Variants in ADGRL2 observed in about 807,000 individuals in gnomAD.
ADGRL2 encodes calcium-independent alpha-latrotoxin receptor 2.
A neutral mutation model predicts 157.4 loss-of-function variants in ADGRL2; 44 were observed. The ratio of observed to expected loss-of-function variants is 0.28; its 90% CI spans 0.22 to 0.36. The LOEUF is 0.36. Ranked by LOEUF, ADGRL2 falls within the 10% of genes least tolerant of loss-of-function variation. The probability of loss-of-function intolerance (pLI) is 1.00; values close to 1 mark genes in which losing one functional copy is unlikely to be tolerated. For synonymous variants in ADGRL2, 585 were observed against 624.7 expected (o/e 0.94, Z 0.95); for missense variants, 1,510 against 1,768.9 (o/e 0.85, Z 2.63).
chr1:81,929,583 T>A (rs1423466233), intron 3 of ADGRL2, among the ~76,000 whole-genome samples: 1 of 152,172 alleles, frequency 6.6e-6, no homozygotes, highest in Non-Finnish European at 1.5e-5. Flanking sequence ...TAAAGTGTAA[T>A]AATGAGCATA....
chr1:81,826,471 G>A (rs979100002), intron 1 of ADGRL2, among the ~76,000 whole-genome samples: 2 of 152,156 alleles, frequency 1.3e-5, no homozygotes, highest in Non-Finnish European at 2.9e-5. Context: ...AGCCTGAATT[G>A]TGTGAAATTG....
At chr1:81,912,106 C>A (rs184291102) in intron 3 of ADGRL2, among the ~76,000 whole-genome samples, 2 of 151,616 alleles carry the variant, frequency 1.3e-5, no homozygotes, top group East Asian at 3.9e-4. Flanking sequence ...GGGTCTCACT[C>A]CCTTGCCCAC....
intron 3 of ADGRL2, among the ~76,000 whole-genome samples, chr1:81,624,649 A>T (rs1400831218): frequency 6.6e-6 from 1 of 152,192 alleles, no homozygotes; most frequent in Non-Finnish European, 1.5e-5. Context: ...TCAGAGATAG[A>T]GATGTCAATT....
chr1:81,346,159 G>A (rs1662464768), intron 1 of ADGRL2, among the ~76,000 whole-genome samples: 3 of 152,074 alleles, frequency 2.0e-5, no homozygotes, highest in African/African-American at 4.8e-5. Context: ...AGGTAAAAGG[G>A]GAAAGAGGTG....
At chr1:81,405,857 T>C (rs2076845159) in intron 1 of ADGRL2, among the ~76,000 whole-genome samples, 1 of 152,106 alleles carries the variant, frequency 6.6e-6, no homozygotes, top group African/African-American at 2.4e-5. Flanking sequence ...TATATATTCT[T>C]TAAAAGGAAT....
chr1:81,514,371 A>T (rs2079135451), intron 2 of ADGRL2, among the ~76,000 whole-genome samples: 1 of 152,192 alleles, frequency 6.6e-6, no homozygotes, highest in African/African-American at 2.4e-5. Context: ...CGAATGAATT[A>T]AAACAGTCCA....
intron 2 of ADGRL2, chr1:81,557,482 G>GAAAGAAAGAAAGAAGAAAGA (rs370696204): frequency 2.3e-4 from 28 of 119,964 alleles, no homozygotes; most frequent in Non-Finnish European, 2.9e-4. Context: ...AAGAAAGAAA[G>GAAAGAAAGAAAGAAGAAAGA]AAGAAAGAAA....
chr1:81,556,312 A>ATTTT lies in ADGRL2; in HGVS notation c.-247-24543_-247-24540dup, dbSNP rs145670261. ...ATCCCCCGATTCTCAGGCTGTCACAATTTTTTTTTTTTTTTTTTTTTTTTG... is the reference window on the plus strand; with the variant it reads ...ATCCCCCGATTCTCAGGCTGTCACAATTTTTTTTTTTTTTTTTTTTTTTTTTTTG... On this transcript the variant is annotated intron_variant, in intron 2 of 24. Transcript: ENST00000370721. 7.0e-3 allele frequency among the ~76,000 whole-genome samples: 610 copies of ATTTT among 87,114 alleles called. 40 individuals are homozygous for ATTTT. The highest frequency in any genetic ancestry group is 0.022 in the African/African-American group (468 of 21,220). 57.2% of individuals were successfully genotyped at this position (87,114 alleles called of 152,430 possible).
chr1:81,668,720 G>C (rs2082804995), intron 3 of ADGRL2, among the ~76,000 whole-genome samples: 1 of 141,420 alleles, frequency 7.1e-6, no homozygotes, highest in African/African-American at 2.8e-5. Context: ...GTGCCACCAG[G>C]CCCGGCTAAT....
chr1:81,603,807 T>C (rs78042927), intron 3 of ADGRL2, among the ~76,000 whole-genome samples: 5,506 of 152,314 alleles, frequency 0.036, 148 homozygotes, highest in Non-Finnish European at 0.052. Context: ...CTGTTCGTTG[T>C]CTTTTCTTAA....
intron 2 of ADGRL2, among the ~76,000 whole-genome samples, chr1:81,896,279 T>C (rs1025980423): frequency 9.0e-4 from 137 of 152,082 alleles, no homozygotes; most frequent in African/African-American, 3.2e-3. Flanking sequence ...TAGAAACTTA[T>C]TGATGTTAAA....
intron 2 of ADGRL2, among the ~76,000 whole-genome samples, chr1:81,487,108 A>AAAAAAG (rs537612028): frequency 3.0e-5 from 4 of 135,516 alleles, no homozygotes; most frequent in Non-Finnish European, 3.2e-5. Flanking sequence ...AAAAAAAAAA[A>AAAAAAG]AGAAAGTAAA....
In ADGRL2 at chr1:81,925,124, T is replaced by A. The variant is rs1572157673; in HGVS notation, c.288-11604T>A. ...AGGACATAAGGAAACACAGATCAAA[T>A]TTGAAATTCAATAGTTAATAGAAAA... On this transcript the variant is annotated intron_variant, in intron 3 of 23. Transcript: ENST00000686636. 2.0e-5 allele frequency among the ~76,000 whole-genome samples: 3 copies of A among 152,204 alleles called. No individual in the cohort carries two copies. In the East Asian group the frequency reaches 5.8e-4, roughly 29 times the overall value.
chr1:81,826,514 A>C (rs1278056631), intron 1 of ADGRL2, among the ~76,000 whole-genome samples: 1 of 152,234 alleles, frequency 6.6e-6, no homozygotes, highest in Non-Finnish European at 1.5e-5. Context: ...GACTGTAAAA[A>C]TGCTACTGAA....
intron 1 of ADGRL2, among the ~76,000 whole-genome samples, chr1:81,756,451 A>G (rs912139769): frequency 2.6e-5 from 4 of 152,150 alleles, no homozygotes; most frequent in African/African-American, 9.7e-5. Context: ...TCAATTCCCA[A>G]TGAGGGATAT....
intron 1 of ADGRL2, among the ~76,000 whole-genome samples, chr1:81,761,457 A>G (rs967783908): frequency 5.3e-5 from 8 of 151,996 alleles, no homozygotes; most frequent in African/African-American, 1.9e-4. Flanking sequence ...TTTTCCCTTA[A>G]AGAGTTTTAG....
At chr1:81,407,483 A>AT (rs1458767175) in intron 1 of ADGRL2, among the ~76,000 whole-genome samples, 13 of 152,228 alleles carry the variant, frequency 8.5e-5, no homozygotes, top group African/African-American at 2.9e-4. Context: ...CATCATTATC[A>AT]TTCAGATCAT....
At chr1:81,675,116 CAT>C (rs1474518687) in intron 3 of ADGRL2, among the ~76,000 whole-genome samples, 1 of 152,108 alleles carries the variant, frequency 6.6e-6, no homozygotes, top group African/African-American at 2.4e-5. Flanking sequence ...AACGAAATAA[CAT>C]AACTGAGAAG....
intron 11 of ADGRL2, among the ~76,000 whole-genome samples, chr1:81,960,467 CT>C (rs879604958): frequency 5.1e-4 from 76 of 149,056 alleles, no homozygotes; most frequent in Non-Finnish European, 7.6e-4. Flanking sequence ...TATTTATTGT[CT>C]TTTTTTTTTC....
Sources: gnomAD v4.1 joint callset for allele counts (sites outside exome capture counted in the v4.1 genomes callset) on GRCh38, gnomAD v4.1.1 for gene constraint, MANE v1.5 for transcripts, NCBI Gene and HGNC (gene_info 2026-07-23, HGNC 2026-07-21) for gene names.